Variants in FREM3 observed in about 807,000 individuals in gnomAD.
The protein encoded by FREM3 is FRAS1 related extracellular matrix 3, also known as FRAS1-related extracellular matrix protein 3.
Under a neutral mutation model 129.1 loss-of-function variants are expected in FREM3, and 105 were observed. That is an observed-to-expected ratio of 0.81 (90% CI 0.69 to 0.96). The LOEUF is 0.96. Among genes scored for constraint, FREM3 ranks in the 40% least tolerant of loss-of-function variants. FREM3 has a pLI of 0.00. For synonymous variants in FREM3, 1,014 were observed against 1,044.9 expected (o/e 0.97, Z 0.57); for missense variants, 2,593 against 2,666.3 (o/e 0.97, Z 0.61).
At chr4:143,599,192 T>G (rs1738531890) in intron 6 of FREM3, among the ~76,000 whole-genome samples, 1 of 152,198 alleles carries the variant, frequency 6.6e-6, no homozygotes, top group South Asian at 2.1e-4. Flanking sequence ...GGCATTCTGT[T>G]AATTAAAGTT....
chr4:143,642,532 C>T (rs970537782), intron 2 of FREM3, among the ~76,000 whole-genome samples: 22 of 152,002 alleles, frequency 1.4e-4, no homozygotes, highest in African/African-American at 4.8e-4. Context: ...GAACACACAT[C>T]GAGGGAAAGA....
intron 2 of FREM3, among the ~76,000 whole-genome samples, chr4:143,691,419 A>T (rs200125698): frequency 1.8e-4 from 13 of 72,000 alleles, no homozygotes; most frequent in African/African-American, 4.9e-4. Context: ...TGGAAAAATT[A>T]AAAAAAAAAG....
chr4:143,698,663 C>T lies in FREM3; in HGVS notation c.2013G>A (p.Gln671=), dbSNP rs369018005. ...GGTCATCCTGCACATGGAAAGCCAG[C>T]TGGACCATTACAGATTGAGGGCTGT... is the stretch of plus-strand genomic sequence containing the variant. The part of the protein sequence containing the change: ...GPHSPQSVMV[Q]LAFHVQDDHD... The change falls in exon 1 of 8, where the codon CAG becomes CAA. Residue 671 remains glutamine (Q), a synonymous_variant. Transcript: ENST00000329798. 2.6e-6 allele frequency: 4 copies of T among 1,537,756 alleles called. No homozygotes were observed. The highest frequency in any genetic ancestry group is 3.5e-6 in the Non-Finnish European group (4 of 1,147,028).
chr4:143,577,897 A>G (rs973351071), intron 7 of FREM3, 45 bp from the exon 8 acceptor site: 7 of 1,505,320 alleles, frequency 4.7e-6, no homozygotes, highest in South Asian at 3.8e-5. Context: ...AGGATTTGTC[A>G]TAAGTTTTCC....
chr4:143,699,877 T>C lies in FREM3; in HGVS notation c.799A>G (p.Met267Val), dbSNP rs1305322336. 2 of 1,536,726 alleles carry C rather than the reference T, an allele frequency of 1.3e-6. No homozygotes were observed. The highest frequency in any genetic ancestry group is 2.0e-5 in the Admixed American group (1 of 51,000). The change falls in exon 1 of 8, where the codon ATG becomes GTG. Residue 267 changes from methionine (M) to valine (V), a missense_variant. This residue lies in a region of FREM3 where 2,276 missense variants were observed against 2,267.2 expected (regional missense o/e 1.00). Coordinates refer to ENST00000329798, the MANE Select transcript of FREM3 (RefSeq NM_001168235.2). This position sits in a 1 kb window ranked among gnomAD's most constrained non-coding sequence, Gnocchi z 4.2. ...TCAGGCCCCAGCAGCTCCACCATCA[T>C]GGGCACGTAGTCACGGTTGGGCGAG... ...TSSPNRDYVP[M>V]MVELLGPEGQ... is the part of the protein sequence containing the mutation.
chr4:143,627,906 ATGT>A (rs1739071458), intron 2 of FREM3, 146 bp from the exon 3 acceptor site: 4 of 624,958 alleles, frequency 6.4e-6, no homozygotes, highest in Admixed American at 3.1e-5. Context: ...GAGAGAGGAA[ATGT>A]TGTTTGCTTT....
intron 5 of FREM3, among the ~76,000 whole-genome samples, chr4:143,611,832 T>C (rs1160283691): frequency 1.3e-5 from 2 of 152,158 alleles, no homozygotes; most frequent in Admixed American, 1.3e-4. Flanking sequence ...TATTTCATAT[T>C]ACAGATGAGA....
At chr4:143,667,321 G>A (rs2149854664) in intron 2 of FREM3, among the ~76,000 whole-genome samples, 1 of 152,052 alleles carries the variant, frequency 6.6e-6, no homozygotes, top group East Asian at 1.9e-4. Context: ...AAATTGATTT[G>A]TCTTTTCTCT....
intron 2 of FREM3, among the ~76,000 whole-genome samples, chr4:143,686,297 C>T (rs997618798): frequency 6.6e-6 from 1 of 152,046 alleles, no homozygotes; most frequent in African/African-American, 2.4e-5. Context: ...CATATATGCA[C>T]CTAACACTGG....
Position 143,700,222 on chromosome 4 carries a change from G to C in FREM3, c.454C>G (p.Leu152Val), listed in dbSNP as rs1740669831. 6.5e-7 allele frequency: 1 copy of C among 1,536,878 alleles called. No individual in the cohort carries two copies. The highest frequency in any genetic ancestry group is 1.4e-5 in the African/African-American group (1 of 73,066). The change falls in exon 1 of 8, where the codon CTG becomes GTG. Residue 152 changes from leucine (L) to valine (V), a missense_variant. Around this residue, in one of 2 missense-constraint regions of FREM3, gnomAD observed 2,276 missense variants for 2,267.2 expected, o/e 1.00. Coordinates refer to ENST00000329798, the MANE Select transcript of FREM3 (RefSeq NM_001168235.2). ...ACCGCCAGCGTGAAGGGCAGCACCA[G>C]AGTGTGAGTCGGGGCGTCGTAGCGC... ...QLRYDAPTHTLVLPFTLAVDL... is the reference protein window; with the variant it reads ...QLRYDAPTHTVVLPFTLAVDL...
intron 6 of FREM3, among the ~76,000 whole-genome samples, chr4:143,590,611 T>A (rs1738340897): frequency 6.6e-6 from 1 of 152,244 alleles, no homozygotes; most frequent in Non-Finnish European, 1.5e-5. Context: ...GTGGATAAGC[T>A]TTTTGATGTG....
intron 2 of FREM3, among the ~76,000 whole-genome samples, chr4:143,666,477 C>G (rs980887449): frequency 6.6e-6 from 1 of 152,058 alleles, no homozygotes; most frequent in Non-Finnish European, 1.5e-5. Context: ...AAGGTGGAAA[C>G]AACCCAAATG....
chr4:143,688,709 T>C (rs986683422), intron 2 of FREM3, among the ~76,000 whole-genome samples: 5 of 151,832 alleles, frequency 3.3e-5, no homozygotes, highest in African/African-American at 4.8e-5. Flanking sequence ...AGAGAACCCA[T>C]AAATAGAGCC....
intron 2 of FREM3, among the ~76,000 whole-genome samples, chr4:143,644,436 T>C (rs1363486568): frequency 1.3e-5 from 2 of 152,180 alleles, no homozygotes; most frequent in Non-Finnish European, 2.9e-5. Flanking sequence ...GATTTCTCAA[T>C]GTATTTGTTT....
chr4:143,595,711 C>A (rs908220575), intron 6 of FREM3, among the ~76,000 whole-genome samples: 6 of 151,878 alleles, frequency 4.0e-5, no homozygotes, highest in African/African-American at 1.5e-4. Context: ...CACGGTGAAA[C>A]CCCGTCTCTA....
At chr4:143,578,315 T>C (rs1738075239) in intron 7 of FREM3, among the ~76,000 whole-genome samples, 1 of 152,242 alleles carries the variant, frequency 6.6e-6, no homozygotes, top group Non-Finnish European at 1.5e-5. Flanking sequence ...CATGAAGTTC[T>C]GCCATTCTCT....
intron 2 of FREM3, among the ~76,000 whole-genome samples, chr4:143,673,356 G>T (rs1168652859): frequency 6.6e-6 from 1 of 152,178 alleles, no homozygotes; most frequent in Non-Finnish European, 1.5e-5. Flanking sequence ...CTGGAGGTCC[G>T]CTCCAGACCC....
rs377143215 is a variant in FREM3, at chr4:143,696,809, G to A, written c.3867C>T (p.His1289=). The change falls in exon 1 of 8, where the codon CAC becomes CAT. Residue 1289 remains histidine, a synonymous_variant. Coordinates refer to ENST00000329798, the MANE Select transcript of FREM3 (RefSeq NM_001168235.2). The part of the protein sequence containing the change: ...SFEVWLSDGK[H]TTHRKVPIVV... Reference sequence around the variant, plus strand: ...CAATGGGTACCTTCCTGTGGGTTGTGTGCTTGCCGTCACTCAGCCAGACCT... The same window carrying A: ...CAATGGGTACCTTCCTGTGGGTTGTATGCTTGCCGTCACTCAGCCAGACCT... 3.3e-6 allele frequency: 5 copies of A among 1,537,638 alleles called. No individual in the cohort carries two copies. The highest frequency in any genetic ancestry group is 2.7e-5 in the African/African-American group (2 of 73,020).
At chr4:143,588,166 G>C (rs1251456405) in intron 6 of FREM3, among the ~76,000 whole-genome samples, 1 of 151,998 alleles carries the variant, frequency 6.6e-6, no homozygotes, top group Non-Finnish European at 1.5e-5. Flanking sequence ...GGTCTCCTTC[G>C]AGCCCCCTCT....
Sources: gnomAD v4.1 joint callset for allele counts (sites outside exome capture counted in the v4.1 genomes callset) on GRCh38, gnomAD v4.1.1 for gene constraint, gnomAD v4.1.1 regional missense constraint, Gnocchi (gnomAD v3.1) non-coding constraint, MANE v1.5 for transcripts, NCBI Gene and HGNC (gene_info 2026-07-23, HGNC 2026-07-21) for gene names.